Variants in ADD2 observed in about 807,000 individuals in gnomAD.
ADD2 encodes the protein beta-adducin.
In ADD2, 23 loss-of-function variants were observed where a neutral mutation model predicts 83.0. That is an observed-to-expected ratio of 0.28 (90% CI 0.20 to 0.39). The LOEUF is 0.39. Ranked by LOEUF, ADD2 falls within the 10% of genes least tolerant of loss-of-function variation. The probability of loss-of-function intolerance (pLI) is 1.00; values close to 1 mark genes in which losing one functional copy is unlikely to be tolerated. For missense variants in ADD2, 758 were observed against 944.9 expected, an observed-to-expected ratio of 0.80 and a Z score of 2.59; for synonymous variants, 375 against 375.4, an observed-to-expected ratio of 1.00 and a Z score of 0.01.
In ADD2 at chr2:70,659,466, T is replaced by C. The variant is rs1291228820; in HGVS notation, c.*3959A>G. On this transcript the variant is annotated 3_prime_UTR_variant, in exon 16 of 16. Transcript: ENST00000264436. Reference sequence around the variant, plus strand: ...CAGGGAATGGGATTCAAATTCAGTCTACATGGATCAGTGGCAGAGGGCAGT... The same window carrying C: ...CAGGGAATGGGATTCAAATTCAGTCCACATGGATCAGTGGCAGAGGGCAGT... The C allele has an allele frequency of 6.6e-6, 1 of 152,218 alleles. No homozygotes were observed. Among genetic ancestry groups the C allele is most frequent in the Non-Finnish European group, 1.5e-5 (1 of 68,042 alleles). 9.4% of individuals were successfully genotyped at this position (152,218 alleles called of 1,614,324 possible).
chr2:70,726,213 G>A (rs952676572), intron 1 of ADD2, among the ~76,000 whole-genome samples: 1,428 of 74,354 alleles, frequency 0.019, no homozygotes, highest in Middle Eastern at 0.033. Context: ...AAAAAAAAAA[G>A]AATGTATTGT....
chr2:70,722,521 A>G (rs1672781187), intron 1 of ADD2, among the ~76,000 whole-genome samples: 1 of 152,188 alleles, frequency 6.6e-6, no homozygotes, highest in Admixed American at 6.5e-5. Context: ...GAAGGATGAG[A>G]CAAGAGAAAT....
At chr2:70,767,551 T>G in intron 1 of ADD2, 2 of 940,938 alleles carry the variant, frequency 2.1e-6, no homozygotes, top group Non-Finnish European at 1.3e-6. Context: ...CCCGCCCGGC[T>G]AGGCGAGGCG....
intron 6 of ADD2, 101 bp downstream of exon 6, chr2:70,695,620 A>G: frequency 9.6e-7 from 1 of 1,037,460 alleles, no homozygotes; most frequent in Non-Finnish European, 1.5e-6. Flanking sequence ...TGAGCTCCAC[A>G]GCGCAACAGT....
intron 1 of ADD2, among the ~76,000 whole-genome samples, chr2:70,723,716 C>T (rs1288258334): frequency 6.6e-6 from 1 of 152,146 alleles, no homozygotes; most frequent in African/African-American, 2.4e-5. Flanking sequence ...TCCCTGACCC[C>T]CTTGACCCAG....
chr2:70,761,814 G>T (rs1675119964), intron 1 of ADD2, among the ~76,000 whole-genome samples: 1 of 150,752 alleles, frequency 6.6e-6, no homozygotes. Flanking sequence ...TGGGACTACA[G>T]GTGCCCGCCA....
At chr2:70,674,511 C>A (rs1010633053) in intron 14 of ADD2, among the ~76,000 whole-genome samples, 167 bp downstream of exon 14, 1 of 152,076 alleles carries the variant, frequency 6.6e-6, no homozygotes, top group Non-Finnish European at 1.5e-5. Flanking sequence ...ATGAAGGCAC[C>A]GAGTAACTGT....
chr2:70,715,584 G>C (rs1553376205), intron 1 of ADD2, among the ~76,000 whole-genome samples: 1 of 152,144 alleles, frequency 6.6e-6, no homozygotes, highest in Non-Finnish European at 1.5e-5. Context: ...TGGGCTGTGA[G>C]GCGGCAGGAG....
At chr2:70,740,122 A>C (rs78402114) in intron 1 of ADD2, among the ~76,000 whole-genome samples, 1 of 152,220 alleles carries the variant, frequency 6.6e-6, no homozygotes, top group East Asian at 1.9e-4. Context: ...TATATCAGAG[A>C]CAATAAAAGT....
chr2:70,676,918 G>T lies in ADD2; in HGVS notation c.1504-33C>A, dbSNP rs782655575. On this transcript the variant is annotated intron_variant, in intron 12 of 15. Transcript: ENST00000264436. This position sits in a 1 kb window ranked among gnomAD's most constrained non-coding sequence, Gnocchi z 4.8. ...GAAAGGGGAGAGGAAGAGTGAGCTG[G>T]CTGTTCAGGGTCAGCGTGGAGTTTG... 9 of 1,604,156 alleles carry T rather than the reference G, an allele frequency of 5.6e-6. No homozygotes were observed. In the Admixed American group the frequency reaches 1.5e-4, roughly 27 times the overall value.
intron 1 of ADD2, among the ~76,000 whole-genome samples, chr2:70,717,506 A>C (rs1672532884): frequency 6.6e-6 from 1 of 152,124 alleles, no homozygotes; most frequent in Non-Finnish European, 1.5e-5. Flanking sequence ...CCAGAGCTCA[A>C]AGTGGAAAGA....
At position 70,690,935 on chromosome 2, in the gene ADD2, A is replaced by C. The variant is rs782082035; in HGVS notation, c.706-6T>G. 1 of 1,609,738 alleles carries C rather than the reference A, an allele frequency of 6.2e-7. No individual in the cohort carries two copies. The highest frequency in any genetic ancestry group is 8.5e-7 in the Non-Finnish European group (1 of 1,177,892). On this transcript the variant is annotated splice_region_variant and splice_polypyrimidine_tract_variant and intron_variant, in intron 7 of 15. Transcript: ENST00000264436. ...CCCCACTTCATGGCCGACACCTTAG[A>C]GAGACAATGGCATGGTTAGCACCTG...
intron 15 of ADD2, among the ~76,000 whole-genome samples, chr2:70,665,683 G>A (rs1675756786): frequency 6.6e-6 from 1 of 152,080 alleles, no homozygotes; most frequent in Non-Finnish European, 1.5e-5. Flanking sequence ...GAATCACCTT[G>A]AGTGTTACTT....
chr2:70,667,717 C>T (rs1397206529), intron 15 of ADD2, among the ~76,000 whole-genome samples: 2 of 148,082 alleles, frequency 1.4e-5, no homozygotes, highest in African/African-American at 2.4e-5. Context: ...CTCCCGGGTT[C>T]AAGTGATTGT....
intron 1 of ADD2, among the ~76,000 whole-genome samples, chr2:70,747,856 T>A (rs1317185122): frequency 6.6e-6 from 1 of 152,202 alleles, no homozygotes; most frequent in Admixed American, 6.5e-5. Context: ...TTGCACTCAA[T>A]GGGATTAAAA....
intron 15 of ADD2, among the ~76,000 whole-genome samples, chr2:70,667,559 G>T (rs1430648820): frequency 3.9e-5 from 6 of 152,172 alleles, no homozygotes; most frequent in African/African-American, 1.4e-4. Context: ...CTGGGTAAGG[G>T]ATGCCCAGAT....
At position 70,761,676 on chromosome 2, in the gene ADD2, C is replaced by A. The variant is rs797039394; in HGVS notation, c.-154+6210G>T. Among the ~76,000 whole-genome samples the A allele has an allele frequency of 4.3e-5, 6 of 140,328 alleles. No individual in the cohort carries two copies. In the East Asian group the frequency reaches 1.0e-3, roughly 24 times the overall value. 92.1% of individuals were successfully genotyped at this position (140,328 alleles called of 152,430 possible). A position where few individuals can be genotyped will look rare whatever the true frequency, so the allele number is the denominator to read the frequency against. ...TTTATGAAAGAACAAATAGACACAA[C>A]TTTTTTTTTTTTTGAGACAGAGTAT... On this transcript the variant is annotated intron_variant, in intron 1 of 15. Coordinates refer to ENST00000264436, the MANE Select transcript of ADD2 (RefSeq NM_001617.4).
At chr2:70,717,488 C>G (rs1235642624) in intron 1 of ADD2, among the ~76,000 whole-genome samples, 3 of 152,174 alleles carry the variant, frequency 2.0e-5, no homozygotes, top group Non-Finnish European at 4.4e-5. Flanking sequence ...GTCTGTGTGG[C>G]TCAGCACCCA....
chr2:70,719,549 G>A (rs1672630691), intron 1 of ADD2, among the ~76,000 whole-genome samples: 1 of 152,186 alleles, frequency 6.6e-6, no homozygotes, highest in South Asian at 2.1e-4. Flanking sequence ...AAGGGTTGTT[G>A]GGGAAGCCCT....
Sources: allele counts gnomAD v4.1 joint callset (sites outside exome capture counted in the v4.1 genomes callset), GRCh38; gene constraint gnomAD v4.1.1; non-coding constraint Gnocchi (gnomAD v3.1); transcripts MANE v1.5; gene names NCBI Gene and HGNC (gene_info 2026-07-23, HGNC 2026-07-21).